OLA1: variants seen among roughly 807,000 people sequenced by gnomAD.
OLA1 encodes the protein obg-like ATPase 1.
Under a neutral mutation model 48.4 loss-of-function variants are expected in OLA1, and 14 were observed. The observed-to-expected ratio is 0.29, with a 90% confidence interval of 0.19 to 0.45. The LOEUF (loss-of-function observed/expected upper bound fraction) is 0.45. Among genes scored for constraint, OLA1 ranks in the 20% least tolerant of loss-of-function variants. The pLI, the probability that OLA1 is intolerant of heterozygous loss-of-function variation, is 1.00. For missense variants in OLA1, 325 were observed against 467.1 expected (o/e 0.70, Z 2.80); for synonymous variants, 127 against 150.4 (o/e 0.84, Z 1.14).
intron 2 of OLA1, among the ~76,000 whole-genome samples, chr2:174,242,815 C>G (rs1288138753): frequency 6.6e-6 from 1 of 152,152 alleles, no homozygotes; most frequent in Non-Finnish European, 1.5e-5. Context: ...CACAATAATA[C>G]ACTGCTCCAA....
At chr2:174,203,525 T>C (rs977645969) in intron 4 of OLA1, among the ~76,000 whole-genome samples, 1 of 149,578 alleles carries the variant, frequency 6.7e-6, no homozygotes, top group Non-Finnish European at 1.5e-5. Flanking sequence ...GATCTCGAAC[T>C]CCTGGCTTCA....
intron 4 of OLA1, among the ~76,000 whole-genome samples, chr2:174,167,296 C>T (rs1687188660): frequency 6.6e-6 from 1 of 152,166 alleles, no homozygotes; most frequent in Non-Finnish European, 1.5e-5. Flanking sequence ...AATCCTTAGC[C>T]CAGGCGCAGT....
rs550131224 is a variant in OLA1, at chr2:174,125,260, G to A, written c.550-1585C>T. Among the ~76,000 whole-genome samples the A allele has an allele frequency of 4.6e-5, 7 of 152,122 alleles. No individual in the cohort carries two copies. In the South Asian group the frequency reaches 8.3e-4, roughly 18 times the overall value. ...CCTAAAATTGTAGGCAATTATGTGC[G>A]TCACACTGGCCACCTGCAAATTCTG... On this transcript the variant is annotated intron_variant, in intron 5 of 10. Coordinates refer to ENST00000284719, the MANE Select transcript of OLA1 (RefSeq NM_013341.5).
chr2:174,226,070 G>T lies in OLA1; in HGVS notation c.246-2910C>A, dbSNP rs1688611517. On this transcript the variant is annotated intron_variant, in intron 3 of 10. Transcript: ENST00000284719. ...AAAAATTAGCCGGGCGTAGTGGCGGGCGCCTGTAGTCCCAGCTACTTGGGA... is the reference window on the plus strand; with the variant it reads ...AAAAATTAGCCGGGCGTAGTGGCGGTCGCCTGTAGTCCCAGCTACTTGGGA... Among the ~76,000 whole-genome samples the T allele has an allele frequency of 2.0e-5, 2 of 101,170 alleles. 1 individual carries two copies. Among genetic ancestry groups the T allele is most frequent in the Admixed American group, 2.0e-4 (2 of 10,030 alleles). 66.4% of individuals were successfully genotyped at this position (101,170 alleles called of 152,430 possible).
chr2:174,145,320 CAG>C (rs962298064), intron 4 of OLA1, among the ~76,000 whole-genome samples: 76 of 152,106 alleles, frequency 5.0e-4, no homozygotes, highest in African/African-American at 1.7e-3. Flanking sequence ...TTAAAATAAA[CAG>C]AGTTTCTAGG....
chr2:174,117,117 T>C (rs1685802728), intron 7 of OLA1, among the ~76,000 whole-genome samples: 2 of 152,188 alleles, frequency 1.3e-5, no homozygotes, highest in Admixed American at 6.5e-5. Flanking sequence ...AGTCTCACTG[T>C]TATATTTATA....
chr2:174,126,071 T>C (rs1455398592), intron 5 of OLA1, among the ~76,000 whole-genome samples: 5 of 152,152 alleles, frequency 3.3e-5, no homozygotes, highest in South Asian at 2.1e-4. Flanking sequence ...CTATCTTATA[T>C]AAATGATCAG....
At chr2:174,124,238 C>G (rs1227132777) in intron 5 of OLA1, 1 of 151,534 alleles carries the variant, frequency 6.6e-6, no homozygotes, top group Admixed American at 6.6e-5. Context: ...TCCCCCACCC[C>G]CCGAACCTGC....
intron 7 of OLA1, among the ~76,000 whole-genome samples, chr2:174,097,150 C>A (rs908801314): frequency 6.6e-6 from 1 of 151,848 alleles, no homozygotes; most frequent in African/African-American, 2.4e-5. Context: ...AGCAAAACTC[C>A]GTCTCAAAAT....
chr2:174,078,040 A>G (rs890399306), intron 10 of OLA1, among the ~76,000 whole-genome samples: 3 of 152,024 alleles, frequency 2.0e-5, no homozygotes, highest in Admixed American at 6.6e-5. Flanking sequence ...TCAACATTGA[A>G]CCAATTATAC....
intron 10 of OLA1, among the ~76,000 whole-genome samples, chr2:174,077,237 TACAAAGCCCAC>T (rs1684762060): frequency 6.6e-6 from 1 of 152,200 alleles, no homozygotes; most frequent in Admixed American, 6.6e-5. Context: ...CCCTGTAGAC[TACAAAGCCCAC>T]ACAGAGCTAT....
intron 7 of OLA1, among the ~76,000 whole-genome samples, chr2:174,113,286 A>G (rs866424268): frequency 1.3e-5 from 2 of 152,180 alleles, no homozygotes; most frequent in Non-Finnish European, 2.9e-5. Context: ...TATAACAGAA[A>G]AAGTTAAATC....
chr2:174,133,432 C>T (rs774028448), intron 5 of OLA1, among the ~76,000 whole-genome samples: 20 of 152,204 alleles, frequency 1.3e-4, no homozygotes, highest in Middle Eastern at 3.2e-3. Flanking sequence ...GCAACCTCGA[C>T]TCACTGCAAC....
chr2:174,090,931 T>C (rs1236199019), intron 7 of OLA1, among the ~76,000 whole-genome samples: 2 of 152,238 alleles, frequency 1.3e-5, no homozygotes, highest in South Asian at 2.1e-4. Context: ...TGAACTCCCA[T>C]GTGGGCCAGA....
chr2:174,157,536 A>G (rs996814502), intron 4 of OLA1, among the ~76,000 whole-genome samples: 1 of 152,230 alleles, frequency 6.6e-6, no homozygotes, highest in African/African-American at 2.4e-5. Context: ...TGATGCTGTG[A>G]GAAGAGAGAA....
chr2:174,202,480 T>C (rs904189077), intron 4 of OLA1, among the ~76,000 whole-genome samples: 1 of 152,256 alleles, frequency 6.6e-6, no homozygotes, highest in African/African-American at 2.4e-5. Flanking sequence ...CTTGCAGTTC[T>C]TGTGTTTTTT....
chr2:174,136,740 T>C (rs1046712117), intron 5 of OLA1, among the ~76,000 whole-genome samples: 12 of 151,966 alleles, frequency 7.9e-5, no homozygotes, highest in African/African-American at 2.9e-4. Context: ...GGTGTGATCT[T>C]GGTTCACTGC....
chr2:174,098,117 G>T (rs940831296), intron 7 of OLA1, among the ~76,000 whole-genome samples: 1 of 152,160 alleles, frequency 6.6e-6, no homozygotes, highest in African/African-American at 2.4e-5. Context: ...AGCTTTAATA[G>T]TTACAAAGTT....
chr2:174,202,980 G>T (rs1387788894), intron 4 of OLA1, among the ~76,000 whole-genome samples: 1 of 151,966 alleles, frequency 6.6e-6, no homozygotes, highest in South Asian at 2.1e-4. Context: ...TTGTTCAAGG[G>T]TCAACTGTAC....
Sources: gnomAD v4.1 joint callset for allele counts (sites outside exome capture counted in the v4.1 genomes callset) on GRCh38, gnomAD v4.1.1 for gene constraint, MANE v1.5 for transcripts, NCBI Gene and HGNC (gene_info 2026-07-23, HGNC 2026-07-21) for gene names.